The following SHF variants were observed in gnomAD, a reference collection of about 807,000 sequenced individuals.
The protein encoded by SHF is Src homology 2 domain containing F.
In SHF, 30 loss-of-function variants were observed where a neutral mutation model predicts 42.4. The ratio of observed to expected loss-of-function variants is 0.71; its 90% CI spans 0.53 to 0.96. SHF has a LOEUF of 0.96. Among genes scored for constraint, SHF ranks in the 40% least tolerant of loss-of-function variants. SHF has a pLI of 0.00. For missense variants in SHF, 598 were observed against 634.0 expected (o/e 0.94, Z 0.61); for synonymous variants, 264 against 269.9 (o/e 0.98, Z 0.21).
chr15:45,188,014 GA>G (rs1898563467), upstream of SHF: 3 of 380,682 alleles, frequency 7.9e-6, no homozygotes, highest in African/African-American at 2.2e-5. Flanking sequence ...CGGGGGTGGG[GA>G]GGGGGGCGGG....
At chr15:45,199,211 T>G in intron 1 of SHF, 1 of 987,946 alleles carries the variant, frequency 1.0e-6, no homozygotes, top group Non-Finnish European at 1.4e-6. Context: ...CATACTCCCC[T>G]GACAGCCCTG....
Position 45,178,312 on chromosome 15 carries a change from G to C in SHF, c.499-6C>G. On this transcript the variant is annotated splice_region_variant and splice_polypyrimidine_tract_variant and intron_variant, in intron 1 of 6. Transcript: ENST00000690270. ...TAGTCTTCTAGGATAGCTAGCTGTG[G>C]GAGGAGAGTGAAGAGAGTGGGCTTC... The C allele has an allele frequency of 6.2e-7, 1 of 1,612,124 alleles. No individual in the cohort carries two copies. Among genetic ancestry groups the C allele is most frequent in the Non-Finnish European group, 8.5e-7 (1 of 1,178,990 alleles).
chr15:45,200,540 G>T (rs1899055627), intron 1 of SHF: 2 of 364,284 alleles, frequency 5.5e-6, no homozygotes, highest in Admixed American at 7.2e-5. Flanking sequence ...TCTGTTGAAA[G>T]CCCCGCCCCC....
chr15:45,180,947 G>A (rs114277627), intron 1 of SHF, among the ~76,000 whole-genome samples: 5,248 of 152,306 alleles, frequency 0.034, 325 homozygotes, highest in African/African-American at 0.12. Flanking sequence ...GGGATCATAT[G>A]AGGGGACAGT....
At chr15:45,170,222 G>A in intron 6 of SHF, 1 of 532,374 alleles carries the variant, frequency 1.9e-6, no homozygotes, top group Non-Finnish European at 2.8e-6. Context: ...TTCAAATCCT[G>A]GTTTGGGGAC....
intron 4 of SHF, 67 bp from the exon 5 acceptor site, chr15:45,172,385 GC>G: frequency 2.1e-6 from 3 of 1,443,442 alleles, no homozygotes; most frequent in Non-Finnish European, 2.8e-6. Context: ...CTATTGAATA[GC>G]CAGTGCCCAA....
At chr15:45,175,451 A>T (rs1383714619) in intron 2 of SHF, 26 bp from the exon 3 acceptor site, 1 of 1,556,668 alleles carries the variant, frequency 6.4e-7, no homozygotes, top group Admixed American at 1.9e-5. Context: ...AGGAAGGGAA[A>T]GGTGAGGGTT....
chr15:45,174,656 T>C (rs938401841), intron 3 of SHF, among the ~76,000 whole-genome samples: 20 of 152,176 alleles, frequency 1.3e-4, no homozygotes, highest in African/African-American at 4.8e-4. Flanking sequence ...CATGAACTTT[T>C]CCATGGTGGA....
In SHF at chr15:45,175,393, G is replaced by A. The variant is rs750656629; in HGVS notation, c.673C>T (p.Pro225Ser). The A allele has an allele frequency of 3.8e-6, 6 of 1,592,178 alleles. No homozygotes were observed. The African/African-American group carries it at 5.4e-5, about 14-fold the overall frequency. ...IRGSKETATQPLPLYDTPYEP... is the reference protein window; with the variant it reads ...IRGSKETATQSLPLYDTPYEP... The stretch of plus-strand genomic sequence containing the variant: ...TAGGGTGTGTCATACAGAGGCAAGG[G>A]CTGAGTTGCTGTCTCCTTGGAGCCC... The change falls in exon 3 of 7, where the codon CCC becomes TCC. Residue 225 changes from proline to serine, a missense_variant. Physicochemically the swap from Pro to Ser is moderately conservative, Grantham distance 74 (BLOSUM62 -1). This residue lies in a region of SHF where 439 missense variants were observed against 524.6 expected (regional missense o/e 0.84). Coordinates refer to ENST00000690270, the MANE Select transcript of SHF (RefSeq NM_001394037.1).
intron 2 of SHF, among the ~76,000 whole-genome samples, chr15:45,196,070 C>T (rs980969990): frequency 4.6e-5 from 7 of 150,856 alleles, no homozygotes; most frequent in Non-Finnish European, 7.4e-5. Flanking sequence ...TAACATCTCA[C>T]ACAAAACTCC....
In SHF at chr15:45,187,847, C is replaced by T. The variant is rs1898533566; in HGVS notation, c.105G>A (p.Ala35=). The change falls in exon 1 of 7, where the codon GCG becomes GCA. Residue 35 remains alanine (A), a synonymous_variant. Transcript: ENST00000690270. ...PGGSRRGAGG[A]GAGPGGGGSG... is the part of the protein sequence containing the mutation. Reference sequence around the variant, plus strand: ...TGCCGCCCCCTCCTGGGCCGGCTCCCGCACCCCCGGCGCCCCGGCGGGACC... The same window carrying T: ...TGCCGCCCCCTCCTGGGCCGGCTCCTGCACCCCCGGCGCCCCGGCGGGACC... 2 of 1,055,922 alleles carry T rather than the reference C, an allele frequency of 1.9e-6. No homozygotes were observed. The highest frequency in any genetic ancestry group is 3.7e-4 in the Middle Eastern group (1 of 2,726). 65.4% of individuals were successfully genotyped at this position (1,055,922 alleles called of 1,614,324 possible).
upstream of SHF, among the ~76,000 whole-genome samples, chr15:45,192,813 T>G (rs1898747333): frequency 6.6e-6 from 1 of 152,350 alleles, no homozygotes; most frequent in African/African-American, 2.4e-5. Context: ...CCAGGCCAAT[T>G]GTCATGTAGG....
In SHF at chr15:45,173,613, G is replaced by A. The variant is rs577360669; in HGVS notation, c.951C>T (p.Ala317=). ...PDGDRDISGP[A]SPLPEPSLED... ...CCAGGCTGGGCTCAGGGAGGGGCGA[G>A]GCTGGACCGGAGATGTCCCTGTCCC... Residue 317 remains alanine, a synonymous_variant, in exon 4 of 7, where the codon GCC becomes GCT. Coordinates refer to ENST00000690270, the MANE Select transcript of SHF (RefSeq NM_001394037.1). The A allele has an allele frequency of 1.3e-6, 2 of 1,548,042 alleles. No homozygotes were observed. The highest frequency in any genetic ancestry group is 2.0e-5 in the Admixed American group (1 of 50,858).
At chr15:45,170,393 T>A (rs750373985) in intron 6 of SHF, 15 of 1,288,628 alleles carry the variant, frequency 1.2e-5, no homozygotes, top group Non-Finnish European at 1.5e-5. Context: ...CAATACACAT[T>A]TCTGAGGTTA....
upstream of SHF, among the ~76,000 whole-genome samples, chr15:45,191,533 A>G (rs1898708010): frequency 6.6e-6 from 1 of 152,188 alleles, no homozygotes; most frequent in Non-Finnish European, 1.5e-5. Context: ...TAGTATCAGG[A>G]TTCTGTAAGG....
At chr15:45,200,434 C>A (rs1431039945) in intron 1 of SHF, 2 of 236,882 alleles carry the variant, frequency 8.4e-6, no homozygotes, top group East Asian at 9.1e-5. Flanking sequence ...GGATTCGAAC[C>A]GAGGTTGCTG....
At chr15:45,195,219 C>G (rs1898829267) in intron 2 of SHF, among the ~76,000 whole-genome samples, 2 of 152,350 alleles carry the variant, frequency 1.3e-5, no homozygotes, top group South Asian at 2.1e-4. Context: ...AGTACTTAGG[C>G]TATTTCCAAT....
chr15:45,190,086 C>T (rs1385269943), upstream of SHF, among the ~76,000 whole-genome samples: 1 of 152,144 alleles, frequency 6.6e-6, no homozygotes, highest in Admixed American at 6.5e-5. Context: ...TGGTAAGTTA[C>T]AGATTCTGAC....
intron 1 of SHF, among the ~76,000 whole-genome samples, chr15:45,182,147 C>T (rs968410345): frequency 2.6e-5 from 4 of 152,214 alleles, no homozygotes; most frequent in African/African-American, 9.6e-5. Flanking sequence ...TTCCACTCTG[C>T]AATTGGGCCA....
Sources: gnomAD v4.1 joint callset for allele counts (sites outside exome capture counted in the v4.1 genomes callset) on GRCh38, gnomAD v4.1.1 for gene constraint, gnomAD v4.1.1 regional missense constraint, MANE v1.5 for transcripts, NCBI Gene and HGNC (gene_info 2026-07-23, HGNC 2026-07-21) for gene names.